Variants in MND1 observed in about 807,000 individuals in gnomAD.
MND1 encodes the protein meiotic nuclear division protein 1 homolog.
In MND1, 28 loss-of-function variants were observed where a neutral mutation model predicts 35.1. That is an observed-to-expected ratio of 0.80 (90% CI 0.59 to 1.09). MND1 has a LOEUF of 1.09. MND1 is among the 50% of genes least tolerant of loss of function. MND1 has a pLI of 0.00. For missense variants in MND1, 213 were observed against 239.6 expected, an observed-to-expected ratio of 0.89 and a Z score of 0.73; for synonymous variants, 69 against 70.5, an observed-to-expected ratio of 0.98 and a Z score of 0.11.
intron 2 of MND1, among the ~76,000 whole-genome samples, chr4:153,351,108 A>C (rs566275661): frequency 2.2e-4 from 34 of 152,322 alleles, no homozygotes; most frequent in African/African-American, 7.5e-4. Context: ...TGTGAAAATT[A>C]TAGCAATTCT....
chr4:153,350,241 G>C (rs1297333324), intron 2 of MND1, 112 bp downstream of exon 2: 2 of 712,124 alleles, frequency 2.8e-6, no homozygotes, highest in African/African-American at 3.6e-5. Flanking sequence ...TCAATTTCTT[G>C]AAGAATGGGT....
At chr4:153,397,150 A>C in intron 5 of MND1, 69 bp from the exon 6 acceptor site, 1 of 1,031,570 alleles carries the variant, frequency 9.7e-7, no homozygotes, top group East Asian at 2.6e-5. Context: ...AATTGTTATA[A>C]AATGTATTAC....
At chr4:153,377,791 A>T (rs1728552703) in intron 4 of MND1, among the ~76,000 whole-genome samples, 2 of 152,158 alleles carry the variant, frequency 1.3e-5, no homozygotes, top group South Asian at 4.1e-4. Context: ...CTAGATTCAG[A>T]TTTAACTTCC....
chr4:153,355,111 C>T lies in MND1; in HGVS notation c.70-543C>T, dbSNP rs190961375. ...CCCTGGAGGTCAAGGCTGCAGTGAGCCATGATCGTGCCACTGTACTCCCAT... is the reference window on the plus strand; with the variant it reads ...CCCTGGAGGTCAAGGCTGCAGTGAGTCATGATCGTGCCACTGTACTCCCAT... On this transcript the variant is annotated intron_variant, in intron 2 of 7. Coordinates refer to ENST00000240488, the MANE Select transcript of MND1 (RefSeq NM_032117.4). Among the ~76,000 whole-genome samples the T allele has an allele frequency of 1.4e-4, 21 of 152,140 alleles. No individual in the cohort carries two copies. The East Asian group carries it at 3.7e-3, about 27-fold the overall frequency.
At chr4:153,395,568 G>C (rs1047615321) in intron 5 of MND1, among the ~76,000 whole-genome samples, 1 of 152,278 alleles carries the variant, frequency 6.6e-6, no homozygotes, top group East Asian at 1.9e-4. Context: ...GATGATGGTG[G>C]TGATCCTGCT....
chr4:153,356,488 G>T lies in MND1; in HGVS notation c.127+777G>T, dbSNP rs1453770839. Among the ~76,000 whole-genome samples, 9 of 136,550 alleles carry T rather than the reference G, an allele frequency of 6.6e-5. No homozygotes were observed. The East Asian group carries it at 2.0e-3, about 30-fold the overall frequency. The allele number at this position is 136,550 out of a possible 152,430, so 89.6% of individuals were successfully genotyped here. A position where few individuals can be genotyped will look rare whatever the true frequency, so the allele number is the denominator to read the frequency against. On this transcript the variant is annotated intron_variant, in intron 3 of 7. Coordinates refer to ENST00000240488, the MANE Select transcript of MND1 (RefSeq NM_032117.4). ...GAATGGCGTGAACCCAGGAGGCAGA[G>T]CTTGCAGTGAGCCGAGATCGCGCCA...
intron 4 of MND1, among the ~76,000 whole-genome samples, chr4:153,370,006 G>T (rs928415693): frequency 2.6e-5 from 4 of 152,120 alleles, no homozygotes; most frequent in South Asian, 2.1e-4. Flanking sequence ...CTAGGACCAG[G>T]CTCGGTGGCT....
chr4:153,401,145 G>A (rs1248165642), intron 6 of MND1, among the ~76,000 whole-genome samples: 1 of 152,202 alleles, frequency 6.6e-6, no homozygotes, highest in Non-Finnish European at 1.5e-5. Flanking sequence ...GCTCACGCCT[G>A]TAATTCCAGC....
intron 4 of MND1, among the ~76,000 whole-genome samples, chr4:153,384,443 ATTTTTTTT>A (rs561004288): frequency 0.11 from 7,177 of 63,008 alleles, 184 homozygotes; most frequent in Non-Finnish European, 0.16. Context: ...CTAATGTTTA[ATTTTTTTT>A]TTTTTTTTTT....
At chr4:153,379,283 C>G (rs1464462357) in intron 4 of MND1, among the ~76,000 whole-genome samples, 1 of 116,106 alleles carries the variant, frequency 8.6e-6, no homozygotes, top group Non-Finnish European at 1.7e-5. Context: ...GAGCGAGACT[C>G]TGTCTCAAAA....
chr4:153,392,109 GT>G (rs35314818), intron 4 of MND1, among the ~76,000 whole-genome samples: 3 of 148,582 alleles, frequency 2.0e-5, no homozygotes, highest in African/African-American at 4.9e-5. Flanking sequence ...GGGCAGTTTA[GT>G]TTTTTTTTTG....
At chr4:153,392,101 G>A (rs1194464455) in intron 4 of MND1, among the ~76,000 whole-genome samples, 2 of 147,846 alleles carry the variant, frequency 1.4e-5, no homozygotes, top group South Asian at 4.2e-4. Context: ...TTTGTGGGGG[G>A]CAGTTTAGTT....
At chr4:153,376,642 G>C (rs959921456) in intron 4 of MND1, among the ~76,000 whole-genome samples, 2 of 152,168 alleles carry the variant, frequency 1.3e-5, no homozygotes, top group Admixed American at 1.3e-4. Flanking sequence ...GACCACTACT[G>C]ACTTGAAATG....
At chr4:153,400,457 G>A (rs1249477128) in intron 6 of MND1, among the ~76,000 whole-genome samples, 3 of 152,186 alleles carry the variant, frequency 2.0e-5, no homozygotes, top group Non-Finnish European at 4.4e-5. Flanking sequence ...GGAGGCCAAG[G>A]CAGGAAGATA....
chr4:153,399,413 A>AG (rs1729284138), intron 6 of MND1, among the ~76,000 whole-genome samples: 1 of 152,196 alleles, frequency 6.6e-6, no homozygotes, highest in Non-Finnish European at 1.5e-5. Context: ...ACTCTTATTT[A>AG]GGCTTACTAA....
At chr4:153,365,185 C>T (rs1328479400) in intron 4 of MND1, among the ~76,000 whole-genome samples, 1 of 151,586 alleles carries the variant, frequency 6.6e-6, no homozygotes, top group Non-Finnish European at 1.5e-5. Flanking sequence ...CACGTGTCCA[C>T]ACTCTAGTTG....
intron 6 of MND1, among the ~76,000 whole-genome samples, chr4:153,405,865 C>A (rs907428082): frequency 1.3e-5 from 2 of 152,084 alleles, no homozygotes; most frequent in Admixed American, 1.3e-4. Flanking sequence ...AGTACAGTGG[C>A]ATGATCTTGG....
chr4:153,350,029 A>G (rs750311693), intron 1 of MND1, 35 bp from the exon 2 acceptor site: 1 of 1,445,540 alleles, frequency 6.9e-7, no homozygotes, highest in Admixed American at 2.0e-5. Flanking sequence ...AATGTGTTTA[A>G]AAGCATTGTT....
chr4:153,369,130 G>A (rs1773730161), intron 4 of MND1, among the ~76,000 whole-genome samples: 1 of 152,204 alleles, frequency 6.6e-6, no homozygotes, highest in Non-Finnish European at 1.5e-5. Flanking sequence ...TTGGGCTGCA[G>A]ATCTCAGTTC....
Sources: allele counts gnomAD v4.1 joint callset (sites outside exome capture counted in the v4.1 genomes callset), GRCh38; gene constraint gnomAD v4.1.1; transcripts MANE v1.5; gene names NCBI Gene and HGNC (gene_info 2026-07-23, HGNC 2026-07-21).